EPB41L1: variants seen among roughly 807,000 people sequenced by gnomAD.
The protein encoded by EPB41L1 is erythrocyte membrane protein band 4.1 like 1.
In EPB41L1, 29 loss-of-function variants were observed where a neutral mutation model predicts 97.8. The ratio of observed to expected loss-of-function variants is 0.30; its 90% CI spans 0.22 to 0.40. The LOEUF (loss-of-function observed/expected upper bound fraction) is 0.40, where lower values mean the gene tolerates loss of function less well. Ranked by LOEUF, EPB41L1 falls within the 10% of genes least tolerant of loss-of-function variation. The pLI, the probability that EPB41L1 is intolerant of heterozygous loss-of-function variation, is 1.00. For missense variants in EPB41L1, 812 were observed against 1,162.3 expected, an observed-to-expected ratio of 0.70 and a Z score of 4.38; for synonymous variants, 383 against 459.2, an observed-to-expected ratio of 0.83 and a Z score of 2.12.
intron 2 of EPB41L1, among the ~76,000 whole-genome samples, chr20:36,131,658 A>G (rs929484314): frequency 6.6e-6 from 1 of 152,140 alleles, no homozygotes; most frequent in Non-Finnish European, 1.5e-5. Context: ...GCATGAAAGC[A>G]TGGAAGACAC....
chr20:36,177,910 G>A, intron 3 of EPB41L1, 42 bp from the exon 4 acceptor site: 1 of 1,520,364 alleles, frequency 6.6e-7, no homozygotes, highest in Non-Finnish European at 9.1e-7. Context: ...CCTCGCCCCG[G>A]GGTGTGCTTC....
chr20:36,221,504 A>G (rs1427198956), intron 19 of EPB41L1, among the ~76,000 whole-genome samples: 1 of 152,214 alleles, frequency 6.6e-6, no homozygotes, highest in Non-Finnish European at 1.5e-5. Flanking sequence ...GGCCACAGAC[A>G]TACATAAGGT....
At chr20:36,204,471 C>CTTTTTTTTT (rs765673962) in intron 14 of EPB41L1, among the ~76,000 whole-genome samples, 8 of 90,602 alleles carry the variant, frequency 8.8e-5, no homozygotes, top group Admixed American at 3.4e-4. Flanking sequence ...CGATCTGGTG[C>CTTTTTTTTT]TTTTTTTTTT....
At chr20:36,180,575 C>A (rs2061434752) in intron 5 of EPB41L1, among the ~76,000 whole-genome samples, 1 of 152,176 alleles carries the variant, frequency 6.6e-6, no homozygotes, top group Admixed American at 6.5e-5. Context: ...GTTAAGCAGA[C>A]AGACACTGAG....
At chr20:36,119,780 CAGA>C (rs2058695563) in intron 2 of EPB41L1, among the ~76,000 whole-genome samples, 1 of 152,010 alleles carries the variant, frequency 6.6e-6, no homozygotes, top group African/African-American at 2.4e-5. Context: ...GGCTTTGATT[CAGA>C]AGAACAGGAG....
Position 36,207,237 on chromosome 20 carries a change from C to T in EPB41L1, c.1669-2251C>T. On this transcript the variant is annotated intron_variant, in intron 14 of 21. Transcript: ENST00000338074. The surrounding 1 kb of genome is among the most constrained non-coding windows in gnomAD (Gnocchi z 4.9). Reference sequence around the variant, plus strand: ...CGAAAGCCAGCCCAGAGCCCAAGGACCAAGTAGGGTTTGTGGTGTCCCCTG... The same window carrying T: ...CGAAAGCCAGCCCAGAGCCCAAGGATCAAGTAGGGTTTGTGGTGTCCCCTG... 7.8e-7 allele frequency: 1 copy of T among 1,279,512 alleles called. No homozygotes were observed. The highest frequency in any genetic ancestry group is 1.0e-6 in the Non-Finnish European group (1 of 982,660). The allele number at this position is 1,279,512 out of a possible 1,614,324, so 79.3% of individuals were successfully genotyped here.
In EPB41L1 at chr20:36,116,714, ACCCATGGAGGGG is replaced by A. The variant is rs1246030959; in HGVS notation, c.-10+4236_-10+4247del. On this transcript the variant is annotated intron_variant, in intron 2 of 19. Transcript: ENST00000202028. ...CAGCAGGCTGAAGCATATGCCTCTC[ACCCATGGAGGGG>A]CTCCTTTCTCCTGTGCCCTCCCTTA... is the stretch of plus-strand genomic sequence containing the variant. 2.0e-5 allele frequency among the ~76,000 whole-genome samples: 3 copies of A among 152,088 alleles called. No individual in the cohort carries two copies. The East Asian group carries it at 5.8e-4, about 29-fold the overall frequency.
intron 11 of EPB41L1, among the ~76,000 whole-genome samples, chr20:36,191,155 G>A (rs1336910289): frequency 2.0e-5 from 3 of 151,970 alleles, no homozygotes; most frequent in African/African-American, 7.2e-5. Flanking sequence ...GGCAGTGCAG[G>A]TCTGATTCAC....
chr20:36,185,408 C>G (rs1006366740), intron 7 of EPB41L1, 73 bp downstream of exon 7: 78 of 1,408,002 alleles, frequency 5.5e-5, no homozygotes, highest in African/African-American at 7.1e-5. Context: ...CCTGAATGTC[C>G]TAGGCCGCCA....
chr20:36,186,080 A>G (rs2061672691), intron 7 of EPB41L1, among the ~76,000 whole-genome samples: 1 of 152,250 alleles, frequency 6.6e-6, no homozygotes, highest in Non-Finnish European at 1.5e-5. Flanking sequence ...TTGGGGCAGG[A>G]GAATTCATTG....
intron 5 of EPB41L1, among the ~76,000 whole-genome samples, chr20:36,180,271 G>A (rs2061424112): frequency 6.6e-6 from 1 of 152,166 alleles, no homozygotes; most frequent in Admixed American, 6.5e-5. Flanking sequence ...CTCTGTGACA[G>A]CACCTCAGCC....
intron 2 of EPB41L1, among the ~76,000 whole-genome samples, chr20:36,123,744 T>C (rs2058848053): frequency 6.6e-6 from 1 of 152,190 alleles, no homozygotes; most frequent in South Asian, 2.1e-4. Flanking sequence ...AAAATTTAAG[T>C]TCTGACAATG....
Position 36,195,456 on chromosome 20 carries a change from T to G in EPB41L1, c.1485+92T>G. ...ACAGTCCATCCCAGGCTCACTTCCC[T>G]GGCACCATCTCAGCTTCAACTTCAT... is the stretch of plus-strand genomic sequence containing the variant. On this transcript the variant is annotated intron_variant, in intron 13 of 21. Transcript: ENST00000338074. The surrounding 1 kb of genome is among the most constrained non-coding windows in gnomAD (Gnocchi z 4.6). 3 of 1,453,420 alleles carry G rather than the reference T, an allele frequency of 2.1e-6. No individual in the cohort carries two copies. The highest frequency in any genetic ancestry group is 2.9e-6 in the Non-Finnish European group (3 of 1,037,994). The allele number at this position is 1,453,420 out of a possible 1,614,324, so 90.0% of individuals were successfully genotyped here. A position where few individuals can be genotyped will look rare whatever the true frequency, so the allele number is the denominator to read the frequency against.
Position 36,154,938 on chromosome 20 carries a change from C to T in EPB41L1, c.-15+42C>T. ...ATCAGGTGGCTCTCGGGGCCGGGGG[C>T]TTGCAACATCTAGGCCCAGCCTCCA... On this transcript the variant is annotated intron_variant, in intron 1 of 21. Coordinates refer to ENST00000338074, the MANE Select transcript of EPB41L1 (RefSeq NM_012156.2). This position sits in a 1 kb window ranked among gnomAD's most constrained non-coding sequence, Gnocchi z 5.5. 4 of 1,109,034 alleles carry T rather than the reference C, an allele frequency of 3.6e-6. No individual in the cohort carries two copies. Among genetic ancestry groups the T allele is most frequent in the Non-Finnish European group, 4.5e-6 (4 of 897,604 alleles). The allele number at this position is 1,109,034 out of a possible 1,614,324, so 68.7% of individuals were successfully genotyped here. A position where few individuals can be genotyped will look rare whatever the true frequency, so the allele number is the denominator to read the frequency against.
chr20:36,194,081 C>T, intron 11 of EPB41L1, 131 bp from the exon 12 acceptor site: 1 of 1,247,808 alleles, frequency 8.0e-7, no homozygotes, highest in Non-Finnish European at 1.1e-6. Flanking sequence ...CTTCACCCCT[C>T]TGGGCAATGG....
At chr20:36,098,445 C>A (rs2057904554) in intron 1 of EPB41L1, among the ~76,000 whole-genome samples, 1 of 152,148 alleles carries the variant, frequency 6.6e-6, no homozygotes. Flanking sequence ...CTTCTGGAGG[C>A]TCTGGGGCAA....
chr20:36,206,274 A>G lies in EPB41L1; in HGVS notation c.1669-3214A>G. 1 of 1,289,918 alleles carries G rather than the reference A, an allele frequency of 7.8e-7. No homozygotes were observed. The highest frequency in any genetic ancestry group is 1.0e-6 in the Non-Finnish European group (1 of 988,880). The allele number at this position is 1,289,918 out of a possible 1,614,324, so 79.9% of individuals were successfully genotyped here. A position where few individuals can be genotyped will look rare whatever the true frequency, so the allele number is the denominator to read the frequency against. On this transcript the variant is annotated intron_variant, in intron 14 of 21. Coordinates refer to ENST00000338074, the MANE Select transcript of EPB41L1 (RefSeq NM_012156.2). This position sits in a 1 kb window ranked among gnomAD's most constrained non-coding sequence, Gnocchi z 5.5. ...CAGATGGTCAGCCGGAGGGCCAGAC[A>G]GAGCTGAGGAAGGGGCTGGAGGAGC...
Position 36,207,588 on chromosome 20 carries a change from G to A in EPB41L1, c.1669-1900G>A, listed in dbSNP as rs1221144909. ...AGCAGCGGAGTACGCTCTCAGACCT[G>A]GGCTTCGCCCAACTCCAGCCCCCAG... On this transcript the variant is annotated intron_variant, in intron 14 of 21. Coordinates refer to ENST00000338074, the MANE Select transcript of EPB41L1 (RefSeq NM_012156.2). This position sits in a 1 kb window ranked among gnomAD's most constrained non-coding sequence, Gnocchi z 4.9. The A allele has an allele frequency of 2.3e-6, 3 of 1,289,962 alleles. No individual in the cohort carries two copies. Among genetic ancestry groups the A allele is most frequent in the East Asian group, 5.6e-5 (1 of 18,012 alleles). 79.9% of individuals were successfully genotyped at this position (1,289,962 alleles called of 1,614,324 possible). A position where few individuals can be genotyped will look rare whatever the true frequency, so the allele number is the denominator to read the frequency against.
chr20:36,120,422 G>C (rs538599167), intron 2 of EPB41L1, among the ~76,000 whole-genome samples: 1 of 152,192 alleles, frequency 6.6e-6, no homozygotes, highest in Non-Finnish European at 1.5e-5. Context: ...GGACTGGTCC[G>C]GTGAACTTGG....
Sources: allele counts gnomAD v4.1 joint callset (sites outside exome capture counted in the v4.1 genomes callset), GRCh38; gene constraint gnomAD v4.1.1; non-coding constraint Gnocchi (gnomAD v3.1); transcripts MANE v1.5; gene names NCBI Gene and HGNC (gene_info 2026-07-23, HGNC 2026-07-21).